FAF1: variants seen among roughly 807,000 people sequenced by gnomAD.
The protein encoded by FAF1 is FAS-associated factor 1.
In FAF1, 25 loss-of-function variants were observed where a neutral mutation model predicts 92.5. That is an observed-to-expected ratio of 0.27 (90% CI 0.20 to 0.38). The LOEUF (loss-of-function observed/expected upper bound fraction) is 0.38, where lower values mean the gene tolerates loss of function less well. FAF1 is among the 10% of genes least tolerant of loss of function. The probability of loss-of-function intolerance (pLI) is 1.00; values close to 1 mark genes in which losing one functional copy is unlikely to be tolerated. For synonymous variants in FAF1, 234 were observed against 273.2 expected (o/e 0.86, Z 1.42); for missense variants, 636 against 793.3 (o/e 0.80, Z 2.38).
chr1:50,705,945 G>T, intron 6 of FAF1, 54 bp from the exon 7 acceptor site: 2 of 1,086,350 alleles, frequency 1.8e-6, no homozygotes, highest in Non-Finnish European at 2.8e-6. Flanking sequence ...GTTCTAGCTT[G>T]CTTTACAGCT....
At chr1:50,729,973 A>T (rs975366822) in intron 6 of FAF1, among the ~76,000 whole-genome samples, 2 of 152,088 alleles carry the variant, frequency 1.3e-5, no homozygotes, top group South Asian at 4.2e-4. Context: ...GTGAGCCCAG[A>T]TTGAGCCATT....
intron 18 of FAF1, chr1:50,462,337 A>C (rs1646443325): frequency 6.6e-6 from 1 of 152,134 alleles, no homozygotes; most frequent in South Asian, 2.1e-4. Context: ...CATTTTACCA[A>C]GAAATTAAGT....
At chr1:50,473,543 T>C (rs970464540) in intron 18 of FAF1, among the ~76,000 whole-genome samples, 3 of 152,164 alleles carry the variant, frequency 2.0e-5, no homozygotes, top group Non-Finnish European at 2.9e-5. Flanking sequence ...ACTTTGATAA[T>C]GGTTCTTTGT....
At chr1:50,904,817 C>T (rs1196731588) in intron 1 of FAF1, among the ~76,000 whole-genome samples, 6 of 151,792 alleles carry the variant, frequency 4.0e-5, no homozygotes, top group Admixed American at 3.9e-4. Flanking sequence ...AACTACTACC[C>T]AACTAAAAAA....
chr1:50,586,270 G>A (rs1329457041), intron 9 of FAF1, among the ~76,000 whole-genome samples: 1 of 152,144 alleles, frequency 6.6e-6, no homozygotes, highest in Non-Finnish European at 1.5e-5. Context: ...GGTCAATGGG[G>A]AGCTTAATGC....
chr1:50,478,778 T>C (rs1646667004), intron 17 of FAF1, among the ~76,000 whole-genome samples: 1 of 152,244 alleles, frequency 6.6e-6, no homozygotes, highest in Admixed American at 6.5e-5. Flanking sequence ...TTTATATATT[T>C]GAAACTTTTT....
At chr1:50,655,408 A>C in intron 8 of FAF1, 34 bp downstream of exon 8, 1 of 1,339,848 alleles carries the variant, frequency 7.5e-7, no homozygotes, top group Non-Finnish European at 1.1e-6. Flanking sequence ...AAGAGAAAGG[A>C]GGATATAAAA....
At chr1:50,468,780 G>C (rs1234973362) in intron 18 of FAF1, among the ~76,000 whole-genome samples, 1 of 151,988 alleles carries the variant, frequency 6.6e-6, no homozygotes, top group African/African-American at 2.4e-5. Context: ...TTTTTTAGTA[G>C]AGGCAGGGTT....
At chr1:50,896,752 GA>G (rs1203325967) in intron 1 of FAF1, among the ~76,000 whole-genome samples, 1 of 152,202 alleles carries the variant, frequency 6.6e-6, no homozygotes, top group Non-Finnish European at 1.5e-5. Context: ...CTTAGAGACA[GA>G]AAATAAAATG....
intron 18 of FAF1, among the ~76,000 whole-genome samples, chr1:50,445,215 T>C (rs1485566927): frequency 6.6e-6 from 1 of 152,192 alleles, no homozygotes; most frequent in Admixed American, 6.5e-5. Flanking sequence ...CAATGTATAG[T>C]GTTTTATCCC....
chr1:50,746,274 ATATATATATATATATATATTTTTTTT>A (rs1354411256), intron 4 of FAF1, among the ~76,000 whole-genome samples: 182 of 18,104 alleles, frequency 0.01, 1 homozygote, highest in Non-Finnish European at 9.4e-3. Context: ...ATATATATAT[ATATATATATATATATATATTTTTTTT>A]TTTTTTTTTT....
intron 18 of FAF1, among the ~76,000 whole-genome samples, chr1:50,467,400 G>A (rs556874895): frequency 6.6e-6 from 1 of 152,196 alleles, no homozygotes; most frequent in South Asian, 2.1e-4. Flanking sequence ...TGCAACCTCT[G>A]TCTCCTGGGT....
At chr1:50,721,214 G>A (rs925271187) in intron 6 of FAF1, among the ~76,000 whole-genome samples, 16 of 151,034 alleles carry the variant, frequency 1.1e-4, no homozygotes, top group Non-Finnish European at 1.5e-4. Flanking sequence ...TTATCACCAC[G>A]CTGGAGATAA....
intron 8 of FAF1, among the ~76,000 whole-genome samples, chr1:50,631,700 G>A (rs1420156179): frequency 6.6e-6 from 1 of 152,200 alleles, no homozygotes; most frequent in Non-Finnish European, 1.5e-5. Flanking sequence ...ACATCTGCTA[G>A]TTTTGCTGCT....
At chr1:50,615,574 T>C (rs978080910) in intron 8 of FAF1, among the ~76,000 whole-genome samples, 1 of 152,230 alleles carries the variant, frequency 6.6e-6, no homozygotes, top group Non-Finnish European at 1.5e-5. Flanking sequence ...TTTTGTCTGG[T>C]GTGAGATGGT....
intron 1 of FAF1, among the ~76,000 whole-genome samples, chr1:50,943,345 T>C (rs1645148815): frequency 6.6e-6 from 1 of 152,198 alleles, no homozygotes; most frequent in African/African-American, 2.4e-5. Context: ...CCATAAGCCA[T>C]CAGGGTCTAC....
intron 2 of FAF1, among the ~76,000 whole-genome samples, chr1:50,838,065 T>C (rs191135981): frequency 6.6e-6 from 1 of 151,906 alleles, no homozygotes; most frequent in African/African-American, 2.4e-5. Flanking sequence ...ATACAATGTG[T>C]CCCTTAAAAA....
At chr1:50,477,294 T>C (rs975689089) in intron 17 of FAF1, among the ~76,000 whole-genome samples, 1 of 152,130 alleles carries the variant, frequency 6.6e-6, no homozygotes, top group Admixed American at 6.5e-5. Flanking sequence ...CATATATATA[T>C]AAAATTTTCA....
intron 6 of FAF1, among the ~76,000 whole-genome samples, chr1:50,706,589 C>A (rs1275667536): frequency 1.3e-5 from 2 of 152,122 alleles, no homozygotes; most frequent in East Asian, 3.9e-4. Flanking sequence ...CTGGAACTGT[C>A]AATTATATCA....
Sources: allele counts gnomAD v4.1 joint callset (sites outside exome capture counted in the v4.1 genomes callset), GRCh38; gene constraint gnomAD v4.1.1; transcripts MANE v1.5; gene names NCBI Gene and HGNC (gene_info 2026-07-23, HGNC 2026-07-21).